The following SAMD12 variants were observed in gnomAD, a reference collection of about 807,000 sequenced individuals.
SAMD12 encodes the protein sterile alpha motif domain containing 12.
A neutral mutation model predicts 15.0 loss-of-function variants in SAMD12; 9 were observed. The ratio of observed to expected loss-of-function variants is 0.60; its 90% CI spans 0.36 to 1.05. SAMD12 has a LOEUF of 1.05. Among genes scored for constraint, SAMD12 ranks in the 50% least tolerant of loss-of-function variants. SAMD12 has a pLI of 0.01. For synonymous variants in SAMD12, 86 were observed against 90.1 expected (o/e 0.96, Z 0.25); for missense variants, 230 against 234.2 (o/e 0.98, Z 0.12).
chr8:118,573,008 A>G (rs1725545768), intron 2 of SAMD12, among the ~76,000 whole-genome samples: 2 of 152,060 alleles, frequency 1.3e-5, no homozygotes, highest in Non-Finnish European at 2.9e-5. Flanking sequence ...TCTGGCATTC[A>G]TTCTCTCTCC....
At chr8:118,389,077 G>T (rs1820126510) in intron 3 of SAMD12, among the ~76,000 whole-genome samples, 1 of 152,182 alleles carries the variant, frequency 6.6e-6, no homozygotes, top group South Asian at 2.1e-4. Flanking sequence ...CCTAGTTTAT[G>T]AGGGATTCTC....
chr8:118,543,633 T>TTTTTTTTC (rs1826046510), intron 2 of SAMD12, among the ~76,000 whole-genome samples: 7 of 121,338 alleles, frequency 5.8e-5, no homozygotes, highest in African/African-American at 7.5e-5. Flanking sequence ...CTTTCTTTCT[T>TTTTTTTTC]TTTTTTTTTT....
downstream of SAMD12, among the ~76,000 whole-genome samples, chr8:118,187,388 A>G (rs1166460858): frequency 1.3e-5 from 2 of 152,204 alleles, no homozygotes; most frequent in African/African-American, 4.8e-5. Flanking sequence ...TGATTTCATC[A>G]TTAACAGAAA....
At chr8:118,179,439 G>GAA in the SAMD12 span, among the ~76,000 whole-genome samples, 16 of 92,292 alleles carry the variant, frequency 1.7e-4, no homozygotes, top group South Asian at 1.0e-3. Flanking sequence ...CTCCGTCTCC[G>GAA]AAAAAAAAAA....
In SAMD12 at chr8:118,353,480, C is replaced by T. The variant is rs528424526; in HGVS notation, c.433+26080G>A. 4.5e-3 allele frequency among the ~76,000 whole-genome samples: 683 copies of T among 152,044 alleles called. 4 individuals carry two copies. The highest frequency in any genetic ancestry group is 0.016 in the African/African-American group (647 of 41,444). ...ACAGAAGAGAAATTCCTTTCCTGCT[C>T]TCCTCCGTGTGAGGCAACTGTCTAC... On this transcript the variant is annotated intron_variant, in intron 4 of 4. Coordinates refer to the SAMD12 transcript ENST00000409003.
chr8:118,455,519 C>T (rs538130734), intron 2 of SAMD12, among the ~76,000 whole-genome samples: 21 of 152,228 alleles, frequency 1.4e-4, no homozygotes, highest in Non-Finnish European at 2.5e-4. Context: ...CTTTCACTTC[C>T]TATCTGTACT....
intron 2 of SAMD12, among the ~76,000 whole-genome samples, chr8:118,473,816 T>G (rs1823879631): frequency 6.6e-6 from 1 of 152,094 alleles, no homozygotes; most frequent in Non-Finnish European, 1.5e-5. Context: ...TCTCTAGAAT[T>G]TTTCCCATCA....
chr8:118,554,047 G>A (rs1476471837), intron 2 of SAMD12, among the ~76,000 whole-genome samples: 19 of 152,054 alleles, frequency 1.2e-4, no homozygotes, highest in South Asian at 4.1e-4. Flanking sequence ...GTGCTGGAGC[G>A]GATGTGGAGA....
chr8:118,360,385 A>T (rs929836215), intron 4 of SAMD12, among the ~76,000 whole-genome samples: 1 of 152,204 alleles, frequency 6.6e-6, no homozygotes, highest in African/African-American at 2.4e-5. Flanking sequence ...AACTCTTATT[A>T]TGATACAGAA....
rs1055230840 is a variant in SAMD12, at chr8:118,208,876, C to A, written c.434-11144G>T. On this transcript the variant is annotated intron_variant, in intron 4 of 4. Coordinates refer to the SAMD12 transcript ENST00000409003. ...TCCTTTCACCCATATTGTAAGTGTA[C>A]TCTTGTTCTCACTCTCCTTCCTGCT... Among the ~76,000 whole-genome samples the A allele has an allele frequency of 2.6e-5, 4 of 152,156 alleles. No homozygotes were observed. In the East Asian group the frequency reaches 7.7e-4, roughly 29 times the overall value.
At chr8:118,504,075 C>G (rs1320841438) in intron 2 of SAMD12, among the ~76,000 whole-genome samples, 2 of 152,080 alleles carry the variant, frequency 1.3e-5, no homozygotes, top group East Asian at 3.9e-4. Flanking sequence ...AATCAGGAAT[C>G]CCCTATTCCC....
intron 4 of SAMD12, among the ~76,000 whole-genome samples, chr8:118,316,958 A>G (rs1042796515): frequency 2.6e-5 from 4 of 151,756 alleles, no homozygotes; most frequent in Non-Finnish European, 5.9e-5. Flanking sequence ...CCTGTCAGAG[A>G]TACGAACTTT....
intron 3 of SAMD12, among the ~76,000 whole-genome samples, chr8:118,390,351 T>C (rs545384823): frequency 1.3e-5 from 2 of 152,244 alleles, no homozygotes; most frequent in East Asian, 3.9e-4. Context: ...CCCTCCAACT[T>C]TCAGTGCAAA....
At chr8:118,182,082 G>A in the SAMD12 span, among the ~76,000 whole-genome samples, 1 of 152,290 alleles carries the variant, frequency 6.6e-6, no homozygotes, top group Non-Finnish European at 1.5e-5. Flanking sequence ...GGCATCATAA[G>A]AAACAGATAT....
chr8:118,183,924 A>G, the SAMD12 span, among the ~76,000 whole-genome samples: 2 of 152,102 alleles, frequency 1.3e-5, no homozygotes, highest in Non-Finnish European at 2.9e-5. Context: ...AACATGCGAT[A>G]TTTGGTTTTC....
At chr8:118,493,703 AC>A (rs1824516219) in intron 2 of SAMD12, among the ~76,000 whole-genome samples, 1 of 152,148 alleles carries the variant, frequency 6.6e-6, no homozygotes, top group Non-Finnish European at 1.5e-5. Context: ...GTTGCCACAG[AC>A]CCACAAGTTG....
intron 4 of SAMD12, among the ~76,000 whole-genome samples, chr8:118,207,744 A>C (rs145460720): frequency 6.6e-6 from 1 of 151,934 alleles, no homozygotes; most frequent in African/African-American, 2.4e-5. Flanking sequence ...TTTTGCTTTA[A>C]ACTTATTTTA....
At chr8:118,549,678 G>A (rs960999265) in intron 2 of SAMD12, among the ~76,000 whole-genome samples, 6 of 152,216 alleles carry the variant, frequency 3.9e-5, no homozygotes, top group Admixed American at 2.0e-4. Context: ...AAAGCTGGAC[G>A]GAGAATGACT....
At chr8:118,317,644 C>T (rs989613469) in intron 4 of SAMD12, among the ~76,000 whole-genome samples, 1 of 152,146 alleles carries the variant, frequency 6.6e-6, no homozygotes, top group Non-Finnish European at 1.5e-5. Context: ...ACAAGAAAGG[C>T]TTCTGGGGTG....
Sources: allele counts gnomAD v4.1 joint callset (sites outside exome capture counted in the v4.1 genomes callset), GRCh38; gene constraint gnomAD v4.1.1; transcripts MANE v1.5; gene names NCBI Gene and HGNC (gene_info 2026-07-23, HGNC 2026-07-21).